The following HEPACAM2 variants were observed in gnomAD, a reference collection of about 807,000 sequenced individuals.
The protein encoded by HEPACAM2 is HEPACAM family member 2.
A neutral mutation model predicts 49.6 loss-of-function variants in HEPACAM2; 49 were observed. The ratio of observed to expected loss-of-function variants is 0.99; its 90% CI spans 0.78 to 1.25. HEPACAM2 has a LOEUF of 1.25. HEPACAM2 is among the 50% of genes most tolerant of loss of function. The pLI is 0.00. For missense variants in HEPACAM2, 525 were observed against 557.2 expected (o/e 0.94, Z 0.58); for synonymous variants, 197 against 202.9 (o/e 0.97, Z 0.25).
intron 3 of HEPACAM2, among the ~76,000 whole-genome samples, chr7:93,212,409 T>TCCGA (rs1480967523): frequency 5.9e-5 from 9 of 151,988 alleles, no homozygotes; most frequent in Admixed American, 5.9e-4. Flanking sequence ...CAACACCTCT[T>TCCGA]CCGACTCTTG....
At chr7:93,191,096 C>T (rs1201644151) in intron 9 of HEPACAM2, among the ~76,000 whole-genome samples, 1 of 151,932 alleles carries the variant, frequency 6.6e-6, no homozygotes, top group Non-Finnish European at 1.5e-5. Flanking sequence ...CCCTAGTTTT[C>T]TATTATAGAC....
chr7:93,192,538 C>A (rs542522552), intron 8 of HEPACAM2, among the ~76,000 whole-genome samples, 175 bp from the exon 9 acceptor site: 24 of 152,036 alleles, frequency 1.6e-4, no homozygotes, highest in South Asian at 6.2e-4. Context: ...TACCCTATGG[C>A]AGTTTGTGCA....
chr7:93,230,734 G>C (rs1794610862), upstream of HEPACAM2, among the ~76,000 whole-genome samples: 1 of 152,140 alleles, frequency 6.6e-6, no homozygotes, highest in Non-Finnish European at 1.5e-5. Flanking sequence ...GATTAGAGAA[G>C]GTAAAGAATA....
intron 4 of HEPACAM2, among the ~76,000 whole-genome samples, chr7:93,199,041 G>GC (rs775943019): frequency 3.3e-5 from 5 of 151,936 alleles, no homozygotes; most frequent in Admixed American, 6.6e-5. Flanking sequence ...TCCCAATACA[G>GC]CACCATTCAC....
At chr7:93,220,899 A>T (rs528389551) in intron 1 of HEPACAM2, among the ~76,000 whole-genome samples, 1 of 152,320 alleles carries the variant, frequency 6.6e-6, no homozygotes, top group South Asian at 2.1e-4. Flanking sequence ...CAAAATCCTC[A>T]TATTAAAAGG....
chr7:93,203,971 C>A (rs1048001533), intron 4 of HEPACAM2, among the ~76,000 whole-genome samples: 2 of 152,124 alleles, frequency 1.3e-5, no homozygotes, highest in Non-Finnish European at 2.9e-5. Flanking sequence ...GTCTCAGGGT[C>A]TGAATGTCAG....
At chr7:93,197,898 T>C (rs1433205560) in intron 4 of HEPACAM2, among the ~76,000 whole-genome samples, 1 of 152,090 alleles carries the variant, frequency 6.6e-6, no homozygotes, top group Non-Finnish European at 1.5e-5. Flanking sequence ...TTCTCAGTGA[T>C]GTTTGCCACC....
At position 93,226,073 on chromosome 7, in the gene HEPACAM2, T is replaced by C. The variant is rs927006520; in HGVS notation, c.79+295A>G. The C allele has an allele frequency of 2.2e-5, 12 of 540,466 alleles. No individual in the cohort carries two copies. In the African/African-American group the frequency reaches 2.3e-4, roughly 10 times the overall value. 33.5% of individuals were successfully genotyped at this position (540,466 alleles called of 1,614,324 possible). A position where few individuals can be genotyped will look rare whatever the true frequency, so the allele number is the denominator to read the frequency against. On this transcript the variant is annotated intron_variant, in intron 1 of 9. Coordinates refer to ENST00000394468, the MANE Select transcript of HEPACAM2 (RefSeq NM_001039372.4). Reference sequence around the variant, plus strand: ...TGCATTAAAGACTATTGAACCTATATGTAAACTCTAAAAGAAGAAATTCAT... The same window carrying C: ...TGCATTAAAGACTATTGAACCTATACGTAAACTCTAAAAGAAGAAATTCAT...
chr7:93,219,795 A>T (rs1411689344), intron 1 of HEPACAM2, among the ~76,000 whole-genome samples: 1 of 152,224 alleles, frequency 6.6e-6, no homozygotes, highest in Non-Finnish European at 1.5e-5. Flanking sequence ...AATTATGACT[A>T]TATTAATGTC....
At chr7:93,198,515 A>C (rs539688618) in intron 4 of HEPACAM2, among the ~76,000 whole-genome samples, 4 of 152,286 alleles carry the variant, frequency 2.6e-5, no homozygotes, top group African/African-American at 9.6e-5. Flanking sequence ...CTATGTTAAC[A>C]CCAGCTTCAG....
chr7:93,208,579 C>G lies in HEPACAM2; in HGVS notation c.1012+1G>C. The G allele has an allele frequency of 1.2e-6, 2 of 1,610,580 alleles. No individual in the cohort carries two copies. Among genetic ancestry groups the G allele is most frequent in the Non-Finnish European group, 8.5e-7 (1 of 1,177,868 alleles). On this transcript the variant is annotated splice_donor_variant, in intron 4 of 9. Transcript: ENST00000394468. LOFTEE classifies it high-confidence loss of function. The stretch of plus-strand genomic sequence containing the variant: ...ATCCCTTCCTTGTATGTCACACATA[C>G]CTACGGAAGTGATGATAACTGTGAA...
intron 2 of HEPACAM2, among the ~76,000 whole-genome samples, chr7:93,218,721 A>G (rs1255287062): frequency 1.3e-5 from 2 of 152,144 alleles, no homozygotes; most frequent in Non-Finnish European, 2.9e-5. Flanking sequence ...CAAACAGTGT[A>G]CTGAAACAAA....
chr7:93,192,030 T>C (rs1049803736), intron 9 of HEPACAM2, among the ~76,000 whole-genome samples: 2 of 152,122 alleles, frequency 1.3e-5, no homozygotes, highest in Non-Finnish European at 2.9e-5. Flanking sequence ...TAGAGTTTTG[T>C]ATCTAGTCCA....
At chr7:93,205,370 C>T (rs1451436642) in intron 4 of HEPACAM2, 1 of 152,096 alleles carries the variant, frequency 6.6e-6, no homozygotes, top group Non-Finnish European at 1.5e-5. Flanking sequence ...ATTTCCTGAC[C>T]TTGTCATTTT....
intron 8 of HEPACAM2, among the ~76,000 whole-genome samples, chr7:93,193,878 A>G (rs186876433): frequency 1.9e-3 from 291 of 152,260 alleles, no homozygotes; most frequent in African/African-American, 6.8e-3. Flanking sequence ...CTTCCATTAC[A>G]TAGCTACGTA....
chr7:93,228,420 A>C (rs1165645759), upstream of HEPACAM2, among the ~76,000 whole-genome samples: 4 of 151,870 alleles, frequency 2.6e-5, no homozygotes, highest in African/African-American at 4.9e-5. Flanking sequence ...ATCATGACAA[A>C]GCGCCCTCTA....
At chr7:93,227,542 C>G (rs529017324), upstream of HEPACAM2, among the ~76,000 whole-genome samples, 1 of 152,152 alleles carries the variant, frequency 6.6e-6, no homozygotes, top group Non-Finnish European at 1.5e-5. Flanking sequence ...TGGAAACACT[C>G]TTTGCATTAG....
At chr7:93,230,609 G>T (rs1490101129), upstream of HEPACAM2, among the ~76,000 whole-genome samples, 1 of 152,160 alleles carries the variant, frequency 6.6e-6, no homozygotes, top group Non-Finnish European at 1.5e-5. Context: ...AATGTTTATT[G>T]ACTTGGGTTT....
chr7:93,202,927 T>G (rs1352946966), intron 4 of HEPACAM2, among the ~76,000 whole-genome samples: 1 of 152,116 alleles, frequency 6.6e-6, no homozygotes, highest in African/African-American at 2.4e-5. Flanking sequence ...TTTTGTCCCT[T>G]TTGATATGTA....
Sources: gnomAD v4.1 joint callset for allele counts (sites outside exome capture counted in the v4.1 genomes callset) on GRCh38, gnomAD v4.1.1 for gene constraint, MANE v1.5 for transcripts, NCBI Gene and HGNC (gene_info 2026-07-23, HGNC 2026-07-21) for gene names.